COL14A1: variants seen among roughly 807,000 people sequenced by gnomAD.
COL14A1 encodes collagen type XIV alpha 1 chain.
In COL14A1, 136 loss-of-function variants were observed where a neutral mutation model predicts 230.3. That is an observed-to-expected ratio of 0.59 (90% CI 0.51 to 0.68). The LOEUF is 0.68. Among genes scored for constraint, COL14A1 ranks in the 30% least tolerant of loss-of-function variants. COL14A1 has a pLI of 0.00. For synonymous variants in COL14A1, 792 were observed against 784.1 expected, an observed-to-expected ratio of 1.01 and a Z score of -0.17; for missense variants, 1,976 against 2,215.8, an observed-to-expected ratio of 0.89 and a Z score of 2.17.
chr8:120,248,122 T>C (rs4307383), intron 21 of COL14A1, among the ~76,000 whole-genome samples: 11,422 of 152,184 alleles, frequency 0.075, 980 homozygotes, highest in East Asian at 0.4. Context: ...CAAAGTTCTC[T>C]TCTACCTCTT....
At chr8:120,283,536 T>C in intron 31 of COL14A1, 100 bp from the exon 32 acceptor site, 1 of 1,309,490 alleles carries the variant, frequency 7.6e-7, no homozygotes, top group Non-Finnish European at 1.0e-6. Context: ...TTTTCTGTTT[T>C]TCCAAATCTT....
intron 45 of COL14A1, among the ~76,000 whole-genome samples, chr8:120,359,250 C>T (rs1823103475): frequency 6.6e-6 from 1 of 152,070 alleles, no homozygotes; most frequent in East Asian, 1.9e-4. Flanking sequence ...TGACAGCCCC[C>T]GGTGTGTGAT....
At chr8:120,182,224 A>G (rs2130644260) in intron 5 of COL14A1, among the ~76,000 whole-genome samples, 1 of 152,302 alleles carries the variant, frequency 6.6e-6, no homozygotes, top group South Asian at 2.1e-4. Flanking sequence ...ATCATTTTTA[A>G]AACAATCAGA....
intron 34 of COL14A1, 133 bp downstream of exon 34, chr8:120,289,899 G>C: frequency 2.4e-6 from 2 of 830,908 alleles, no homozygotes; most frequent in East Asian, 2.7e-5. Flanking sequence ...TGAATGGATG[G>C]ATGGATGGAT....
At chr8:120,334,076 C>G (rs1586873821) in intron 42 of COL14A1, among the ~76,000 whole-genome samples, 1 of 152,144 alleles carries the variant, frequency 6.6e-6, no homozygotes, top group Admixed American at 6.5e-5. Context: ...TTCTGCCTAC[C>G]ATAGTAAACA....
At chr8:120,130,474 C>T (rs1814491307) in intron 1 of COL14A1, among the ~76,000 whole-genome samples, 1 of 151,944 alleles carries the variant, frequency 6.6e-6, no homozygotes, top group South Asian at 2.1e-4. Context: ...TTTCTTCTTC[C>T]TTCCCTTATT....
At chr8:120,297,629 T>C (rs1420369229) in intron 35 of COL14A1, 41 bp downstream of exon 35, 2 of 1,174,694 alleles carry the variant, frequency 1.7e-6, no homozygotes, top group South Asian at 2.7e-5. Flanking sequence ...TTTTAAATTG[T>C]ATTTAATTTT....
intron 1 of COL14A1, among the ~76,000 whole-genome samples, chr8:120,127,488 A>G (rs1269128277): frequency 6.6e-6 from 1 of 152,154 alleles, no homozygotes; most frequent in Non-Finnish European, 1.5e-5. Context: ...CTTGGCACTT[A>G]TCCTGCTGCG....
intron 1 of COL14A1, among the ~76,000 whole-genome samples, chr8:120,135,755 C>T (rs936990404): frequency 7.3e-5 from 11 of 151,642 alleles, no homozygotes; most frequent in Non-Finnish European, 1.3e-4. Flanking sequence ...GTGCACTGCT[C>T]TATTTAGGCT....
chr8:120,164,576 A>G (rs1181366561), intron 4 of COL14A1, among the ~76,000 whole-genome samples: 1 of 152,220 alleles, frequency 6.6e-6, no homozygotes, highest in Non-Finnish European at 1.5e-5. Context: ...AGAAAACACA[A>G]CTTGGTTAAG....
intron 1 of COL14A1, among the ~76,000 whole-genome samples, chr8:120,127,561 G>C (rs770805381): frequency 3.3e-5 from 5 of 152,310 alleles, no homozygotes; most frequent in Non-Finnish European, 7.4e-5. Context: ...TGATTTTTCA[G>C]AATCAGCCAG....
rs766991232 is a variant in COL14A1 at position 120,270,063 on chromosome 8, A to G, written c.3102A>G (p.Val1034=). The G allele has an allele frequency of 6.2e-7, 1 of 1,611,462 alleles. No individual in the cohort carries two copies. The highest frequency in any genetic ancestry group is 8.5e-7 in the Non-Finnish European group (1 of 1,178,278). ...GTAAGGCGGCCAAGGCTGACCTGGTATTTATGGTGGATGGATCCTGGAGCA... is the reference window on the plus strand; with the variant it reads ...GTAAGGCGGCCAAGGCTGACCTGGTGTTTATGGTGGATGGATCCTGGAGCA... The part of the protein sequence containing the change: ...EVCKAAKADL[V]FMVDGSWSIG... Residue 1034 remains valine (V), a synonymous_variant, in exon 26 of 48, where the codon GTA becomes GTG. Transcript: ENST00000297848.
intron 2 of COL14A1, among the ~76,000 whole-genome samples, chr8:120,154,458 A>G (rs945126279): frequency 4.6e-5 from 7 of 152,184 alleles, no homozygotes; most frequent in African/African-American, 1.2e-4. Flanking sequence ...ATGCCCCTAC[A>G]CTTTCAGTAA....
In COL14A1 at chr8:120,182,726, G is replaced by GGTTTTTTTTTTTTTTTTTTTTTTTT. The variant is rs1554603200; in HGVS notation, c.437-14065_437-14064insGTTTTTTTTTTTTTTTTTTTTTTTT. Among the ~76,000 whole-genome samples the GGTTTTTTTTTTTTTTTTTTTTTTTT allele has an allele frequency of 3.1e-5, 4 of 129,014 alleles. 1 individual carries two copies. Among genetic ancestry groups the GGTTTTTTTTTTTTTTTTTTTTTTTT allele is most frequent in the Non-Finnish European group, 6.6e-5 (4 of 60,860 alleles). 84.6% of individuals were successfully genotyped at this position (129,014 alleles called of 152,430 possible). A position where few individuals can be genotyped will look rare whatever the true frequency, so the allele number is the denominator to read the frequency against. On this transcript the variant is annotated intron_variant, in intron 5 of 47. Transcript: ENST00000297848. ...AACTTAATTTTTTTTATTTTTCTTC[G>GGTTTTTTTTTTTTTTTTTTTTTTTT]TTTTTTTTTTTTTTTTTTGAGGTGG...
In COL14A1 at chr8:120,158,163, T is replaced by C. The variant is rs1402803670; in HGVS notation, c.122T>C (p.Ile41Thr). ...CCCACAAGGTTAAGATATAATGTAA[T>C]ATCTCATGACAGTATACAGATTTCA... The part of the protein sequence containing the change: ...APPTRLRYNV[I>T]SHDSIQISWK... Residue 41 changes from isoleucine to threonine, a missense_variant, in exon 3 of 48, where the codon ATA (isoleucine) becomes ACA (threonine). Physicochemically the swap from Ile to Thr is moderately conservative, Grantham distance 89 (BLOSUM62 -1). Coordinates refer to ENST00000297848, the MANE Select transcript of COL14A1 (RefSeq NM_021110.4). 29 of 1,604,236 alleles carry C rather than the reference T, an allele frequency of 1.8e-5. No homozygotes were observed. Among genetic ancestry groups the C allele is most frequent in the Non-Finnish European group, 2.2e-5 (26 of 1,175,188 alleles).
intron 26 of COL14A1, among the ~76,000 whole-genome samples, chr8:120,273,313 T>A (rs369702776): frequency 1.1e-4 from 17 of 151,910 alleles, no homozygotes; most frequent in African/African-American, 3.9e-4. Flanking sequence ...GGAAAATATA[T>A]AGCACTCAAT....
intron 45 of COL14A1, among the ~76,000 whole-genome samples, chr8:120,350,336 C>G (rs1215193852): frequency 1.4e-5 from 2 of 145,602 alleles, no homozygotes; most frequent in Non-Finnish European, 3.0e-5. Flanking sequence ...AACTAACGAG[C>G]AAAATCACCA....
At chr8:120,226,489 C>A (rs1818098361) in intron 15 of COL14A1, 138 bp from the exon 16 acceptor site, 2 of 723,088 alleles carry the variant, frequency 2.8e-6, no homozygotes, top group Admixed American at 2.9e-5. Context: ...GACTGATGGG[C>A]CCCAGTTTTC....
At chr8:120,130,431 C>T (rs943350229) in intron 1 of COL14A1, among the ~76,000 whole-genome samples, 5 of 151,974 alleles carry the variant, frequency 3.3e-5, no homozygotes, top group African/African-American at 1.2e-4. Flanking sequence ...TTTCCTCTGC[C>T]TCCTCATCTT....
Sources: allele counts gnomAD v4.1 joint callset (sites outside exome capture counted in the v4.1 genomes callset), GRCh38; gene constraint gnomAD v4.1.1; transcripts MANE v1.5; gene names NCBI Gene and HGNC (gene_info 2026-07-23, HGNC 2026-07-21).